The following CENPP variants were observed in gnomAD, a reference collection of about 807,000 sequenced individuals.
CENPP encodes centromere protein P.
In CENPP, 24 loss-of-function variants were observed where a neutral mutation model predicts 35.6. The ratio of observed to expected loss-of-function variants is 0.67; its 90% CI spans 0.49 to 0.95. CENPP has a LOEUF of 0.95. Ranked by LOEUF, CENPP falls within the 40% of genes least tolerant of loss-of-function variation. The pLI is 0.00. For synonymous variants in CENPP, 120 were observed against 125.5 expected (o/e 0.96, Z 0.29); for missense variants, 332 against 345.3 (o/e 0.96, Z 0.31).
At chr9:92,439,741 G>A (rs1844339913) in intron 5 of CENPP, among the ~76,000 whole-genome samples, 1 of 152,114 alleles carries the variant, frequency 6.6e-6, no homozygotes, top group East Asian at 1.9e-4. Context: ...ATGCTCTTGA[G>A]TCTTATTGGT....
chr9:92,525,195 G>A (rs1037232262), intron 5 of CENPP, among the ~76,000 whole-genome samples: 6 of 152,108 alleles, frequency 3.9e-5, no homozygotes, highest in Non-Finnish European at 8.8e-5. Flanking sequence ...GTGCATACCT[G>A]TAGTCCTAGC....
At chr9:92,477,138 T>A (rs1845740115) in intron 5 of CENPP, among the ~76,000 whole-genome samples, 1 of 152,314 alleles carries the variant, frequency 6.6e-6, no homozygotes. Context: ...TGTGGCTGAC[T>A]ACTGTTCTGT....
At chr9:92,461,434 G>A (rs1407244857) in intron 5 of CENPP, among the ~76,000 whole-genome samples, 6 of 152,098 alleles carry the variant, frequency 3.9e-5, no homozygotes, top group South Asian at 2.1e-4. Context: ...GGTTCTTATC[G>A]CTCTTGAAAT....
rs1299952865 is a variant in CENPP at position 92,618,164 on chromosome 9, CGGA to C, written c.*5020_*5022del. ...GGCCCAGCCCCACACGCCATGTTCT[CGGA>C]GGAGAAGCCTTCTCTGAGATCCTCT... On this transcript the variant is annotated 3_prime_UTR_variant, in exon 8 of 8. Coordinates refer to ENST00000375587, the MANE Select transcript of CENPP (RefSeq NM_001012267.3). 4.4e-6 allele frequency: 2 copies of C among 451,382 alleles called. No homozygotes were observed. Among genetic ancestry groups the C allele is most frequent in the East Asian group, 7.0e-5 (1 of 14,302 alleles). The allele number at this position is 451,382 out of a possible 1,614,324, so 28.0% of individuals were successfully genotyped here. A position where few individuals can be genotyped will look rare whatever the true frequency, so the allele number is the denominator to read the frequency against.
intron 4 of CENPP, among the ~76,000 whole-genome samples, chr9:92,357,430 T>G (rs950234805): frequency 2.7e-5 from 4 of 150,808 alleles, no homozygotes; most frequent in Non-Finnish European, 4.4e-5. Context: ...ATTTTTCTTT[T>G]CTCCAGCCAC....
chr9:92,522,638 C>T, intron 5 of CENPP: 1 of 1,613,948 alleles, frequency 6.2e-7, no homozygotes, highest in South Asian at 1.1e-5. Context: ...AACTTTTCCT[C>T]CATGCTATAA....
At chr9:92,352,522 TATA>T (rs938062318) in intron 4 of CENPP, among the ~76,000 whole-genome samples, 1 of 111,894 alleles carries the variant, frequency 8.9e-6, no homozygotes, top group African/African-American at 4.5e-5. Context: ...TATATATATA[TATA>T]TATATATATA....
At chr9:92,367,792 A>G (rs1043944378) in intron 4 of CENPP, among the ~76,000 whole-genome samples, 1 of 151,852 alleles carries the variant, frequency 6.6e-6, no homozygotes, top group Admixed American at 6.6e-5. Flanking sequence ...TAGTTTTTGT[A>G]TTTTTAGTAG....
chr9:92,457,457 G>A (rs543295156), intron 5 of CENPP: 1 of 1,611,668 alleles, frequency 6.2e-7, no homozygotes, highest in South Asian at 1.1e-5. Flanking sequence ...TCCCACTCTT[G>A]CAATTGAATT....
At chr9:92,556,756 C>T (rs559068762) in intron 5 of CENPP, among the ~76,000 whole-genome samples, 3 of 152,242 alleles carry the variant, frequency 2.0e-5, no homozygotes, top group African/African-American at 4.8e-5. Context: ...CTGAAGGCAG[C>T]GGATAGTTGG....
intron 5 of CENPP, among the ~76,000 whole-genome samples, chr9:92,441,715 C>T (rs1467206229): frequency 4.6e-5 from 7 of 152,166 alleles, no homozygotes; most frequent in African/African-American, 1.4e-4. Flanking sequence ...GCCGAGATCG[C>T]GCCACTGCAC....
intron 5 of CENPP, chr9:92,403,705 T>G: frequency 1.1e-6 from 1 of 916,520 alleles, no homozygotes. Flanking sequence ...TTTAAGTTTC[T>G]TAATAATTAA....
intron 5 of CENPP, among the ~76,000 whole-genome samples, chr9:92,448,372 C>G (rs1844606324): frequency 6.6e-6 from 1 of 151,660 alleles, no homozygotes; most frequent in Admixed American, 6.6e-5. Flanking sequence ...CAGGTTCAAG[C>G]GATTATCCTG....
rs1438662823 is a variant in CENPP, at chr9:92,351,299, G to A, written c.467+5512G>A. On this transcript the variant is annotated intron_variant, in intron 4 of 7. Coordinates refer to ENST00000375587, the MANE Select transcript of CENPP (RefSeq NM_001012267.3). ...AGGTCAGGAGTTCAAATCCAGCATGGTGAAACCCTGTCTCTACTAAAAATA... is the reference window on the plus strand; with the variant it reads ...AGGTCAGGAGTTCAAATCCAGCATGATGAAACCCTGTCTCTACTAAAAATA... Among the ~76,000 whole-genome samples, 3 of 152,038 alleles carry A rather than the reference G, an allele frequency of 2.0e-5. 1 individual carries two copies. Among genetic ancestry groups the A allele is most frequent in the African/African-American group, 2.4e-5 (1 of 41,498 alleles).
At chr9:92,363,270 A>G (rs1190105762) in intron 4 of CENPP, among the ~76,000 whole-genome samples, 1 of 152,198 alleles carries the variant, frequency 6.6e-6, no homozygotes, top group Non-Finnish European at 1.5e-5. Context: ...TGTATGTAAG[A>G]AATCATGATT....
intron 3 of CENPP, among the ~76,000 whole-genome samples, chr9:92,343,211 G>T (rs1253611410): frequency 1.3e-5 from 2 of 152,162 alleles, no homozygotes; most frequent in Non-Finnish European, 2.9e-5. Flanking sequence ...CTTATAGTTT[G>T]TCTAGGTCAA....
intron 5 of CENPP, among the ~76,000 whole-genome samples, chr9:92,576,427 G>A (rs1223057016): frequency 1.3e-5 from 2 of 152,070 alleles, no homozygotes; most frequent in Non-Finnish European, 2.9e-5. Context: ...CAGTGGTGAT[G>A]GTTGCACAAC....
At position 92,437,463 on chromosome 9, in the gene CENPP, G is replaced by A. The variant is rs114284644; in HGVS notation, c.564+57604G>A. Among the ~76,000 whole-genome samples the A allele has an allele frequency of 4.4e-3, 658 of 148,578 alleles. 4 individuals carry two copies. Among genetic ancestry groups the A allele is most frequent in the African/African-American group, 0.015 (614 of 40,398 alleles). On this transcript the variant is annotated intron_variant, in intron 5 of 7. Coordinates refer to ENST00000375587, the MANE Select transcript of CENPP (RefSeq NM_001012267.3). Reference sequence around the variant, plus strand: ...CTCGCTATGTTGCCCAGGCTGGAGTGCAGTAGTAGGTTCTTGGTTCACTGA... The same window carrying A: ...CTCGCTATGTTGCCCAGGCTGGAGTACAGTAGTAGGTTCTTGGTTCACTGA...
At chr9:92,425,218 G>T (rs1454052905) in intron 5 of CENPP, among the ~76,000 whole-genome samples, 1 of 152,038 alleles carries the variant, frequency 6.6e-6, no homozygotes, top group Non-Finnish European at 1.5e-5. Context: ...TTTGGCAGAT[G>T]TACCCACTAG....
Sources: gnomAD v4.1 joint callset for allele counts (sites outside exome capture counted in the v4.1 genomes callset) on GRCh38, gnomAD v4.1.1 for gene constraint, MANE v1.5 for transcripts, NCBI Gene and HGNC (gene_info 2026-07-23, HGNC 2026-07-21) for gene names.